The following OLFM2 variants were observed in gnomAD, a reference collection of about 807,000 sequenced individuals.
The protein encoded by OLFM2 is olfactomedin 2.
OLFM2 carries 20 observed loss-of-function variants against 43.9 expected under a neutral mutation model. That is an observed-to-expected ratio of 0.46 (90% CI 0.32 to 0.66). The LOEUF is 0.66. OLFM2 is among the 30% of genes least tolerant of loss of function. The pLI, the probability that OLFM2 is intolerant of heterozygous loss-of-function variation, is 0.04. For missense variants in OLFM2, 416 were observed against 643.6 expected, an observed-to-expected ratio of 0.65 and a Z score of 3.83; for synonymous variants, 268 against 278.6, an observed-to-expected ratio of 0.96 and a Z score of 0.38.
intron 1 of OLFM2, among the ~76,000 whole-genome samples, chr19:9,892,492 CT>C (rs2046647967): frequency 6.6e-6 from 1 of 152,160 alleles, no homozygotes; most frequent in South Asian, 2.1e-4. Context: ...GGGTGGATCA[CT>C]TGAGGCCAGG....
At chr19:9,885,066 C>T (rs191347179) in intron 1 of OLFM2, among the ~76,000 whole-genome samples, 116 of 152,260 alleles carry the variant, frequency 7.6e-4, no homozygotes, top group African/African-American at 2.6e-3. Context: ...CTGTGAAGCA[C>T]ATGGACCCTG....
chr19:9,870,444 A>G (rs1318329752), intron 1 of OLFM2, among the ~76,000 whole-genome samples: 2 of 152,180 alleles, frequency 1.3e-5, no homozygotes, highest in African/African-American at 4.8e-5. Flanking sequence ...CACGCGGCCC[A>G]GCTGGCTTCC....
chr19:9,918,296 T>G (rs948172197), intron 1 of OLFM2, among the ~76,000 whole-genome samples: 12 of 152,128 alleles, frequency 7.9e-5, no homozygotes, highest in Admixed American at 7.9e-4. Context: ...GCTCATGTGA[T>G]CCTCCTACCT....
At chr19:9,877,418 AG>A (rs2046499747) in intron 1 of OLFM2, among the ~76,000 whole-genome samples, 1 of 151,778 alleles carries the variant, frequency 6.6e-6, no homozygotes, top group Non-Finnish European at 1.5e-5. Context: ...CTGTAATCCC[AG>A]CTACTCTGTA....
intron 1 of OLFM2, among the ~76,000 whole-genome samples, chr19:9,878,560 T>C (rs2046512364): frequency 6.6e-6 from 1 of 151,882 alleles, no homozygotes; most frequent in South Asian, 2.1e-4. Context: ...CAGTTTCATT[T>C]CTCAAACAGG....
At chr19:9,919,176 C>CTCTTTTTTTTT (rs1555728853) in intron 1 of OLFM2, among the ~76,000 whole-genome samples, 7 of 149,262 alleles carry the variant, frequency 4.7e-5, no homozygotes, top group Admixed American at 2.0e-4. Context: ...ATTTCTCTCT[C>CTCTTTTTTTTT]TTTTTTTTGA....
At chr19:9,863,093 G>C (rs971393084) in intron 1 of OLFM2, among the ~76,000 whole-genome samples, 1 of 151,982 alleles carries the variant, frequency 6.6e-6, no homozygotes, top group African/African-American at 2.4e-5. Context: ...CTTTGTTCAA[G>C]ACCTGAAGGA....
rs1326687973 is a variant in OLFM2 at position 9,914,119 on chromosome 19, CCGCCTCCCGCA to C, written c.63+22174_63+22184del. On this transcript the variant is annotated intron_variant, in intron 1 of 5. Transcript: ENST00000264833. Reference sequence around the variant, plus strand: ...CCTCCCCCTAGGCGGTGTTCCCGGACCGCCTCCCGCACGCAGACCCTCTTCGAGCCTGAGCC... The same window carrying C: ...CCTCCCCCTAGGCGGTGTTCCCGGACCGCAGACCCTCTTCGAGCCTGAGCC... Among the ~76,000 whole-genome samples, 3 of 151,726 alleles carry C rather than the reference CCGCCTCCCGCA, an allele frequency of 2.0e-5. No individual in the cohort carries two copies. In the East Asian group the frequency reaches 5.8e-4, roughly 30 times the overall value.
intron 1 of OLFM2, among the ~76,000 whole-genome samples, chr19:9,919,969 ATT>A (rs572250241): frequency 2.8e-4 from 37 of 130,862 alleles, no homozygotes; most frequent in African/African-American, 4.4e-4. Flanking sequence ...TAATTTTTGT[ATT>A]TTTTTTTTTT....
intron 1 of OLFM2, chr19:9,913,581 T>G: frequency 7.7e-7 from 1 of 1,293,394 alleles, no homozygotes; most frequent in African/African-American, 1.6e-5. Flanking sequence ...GCCATGGTGC[T>G]CAGCACGGCC....
intron 1 of OLFM2, among the ~76,000 whole-genome samples, chr19:9,908,414 C>T (rs975990484): frequency 1.0e-4 from 15 of 150,568 alleles, no homozygotes; most frequent in Non-Finnish European, 1.9e-4. Context: ...TCTCCTGCCT[C>T]AGCCTCCTAA....
At chr19:9,926,425 G>A (rs1037260762) in intron 1 of OLFM2, among the ~76,000 whole-genome samples, 1 of 151,152 alleles carries the variant, frequency 6.6e-6, no homozygotes, top group Non-Finnish European at 1.5e-5. Flanking sequence ...GGTGGCGGCC[G>A]CCTGTAGTCC....
At chr19:9,877,042 C>T (rs766549627) in intron 1 of OLFM2, among the ~76,000 whole-genome samples, 2 of 151,436 alleles carry the variant, frequency 1.3e-5, no homozygotes, top group Non-Finnish European at 2.9e-5. Context: ...CCAGCCTGGC[C>T]AACATGGTGA....
At chr19:9,924,910 GTA>G (rs998278678) in intron 1 of OLFM2, among the ~76,000 whole-genome samples, 1 of 151,356 alleles carries the variant, frequency 6.6e-6, no homozygotes, top group South Asian at 2.1e-4. Context: ...ATATATGCGT[GTA>G]TATATATAGA....
intron 1 of OLFM2, among the ~76,000 whole-genome samples, chr19:9,869,702 G>A (rs898500068): frequency 2.0e-5 from 3 of 152,112 alleles, no homozygotes; most frequent in African/African-American, 7.2e-5. Context: ...CTTCAGCCTC[G>A]AACTCCTGAC....
intron 1 of OLFM2, among the ~76,000 whole-genome samples, chr19:9,925,821 T>C (rs908310604): frequency 6.6e-6 from 1 of 151,146 alleles, no homozygotes; most frequent in Non-Finnish European, 1.5e-5. Flanking sequence ...ATAGCAGTAT[T>C]ATTCAAAAAA....
At chr19:9,872,965 T>G (rs1442486853) in intron 1 of OLFM2, among the ~76,000 whole-genome samples, 1 of 152,190 alleles carries the variant, frequency 6.6e-6, no homozygotes, top group Non-Finnish European at 1.5e-5. Flanking sequence ...CTCGCTCTTC[T>G]TAGTTGCTTT....
At position 9,936,392 on chromosome 19, in the gene OLFM2, A is replaced by G; in HGVS notation, c.-26T>C. On this transcript the variant is annotated 5_prime_UTR_variant, in exon 1 of 6. Transcript: ENST00000264833. The stretch of plus-strand genomic sequence containing the variant: ...GACGCGCCCCTAGCCCGGCGTCCCG[A>G]CCCCCGCCCGCCCTAGCGGCGCCTC... The G allele has an allele frequency of 7.2e-7, 1 of 1,382,064 alleles. No individual in the cohort carries two copies. Among genetic ancestry groups the G allele is most frequent in the Non-Finnish European group, 9.4e-7 (1 of 1,067,616 alleles). 85.6% of individuals were successfully genotyped at this position (1,382,064 alleles called of 1,614,324 possible). A position where few individuals can be genotyped will look rare whatever the true frequency, so the allele number is the denominator to read the frequency against.
At chr19:9,897,323 G>A (rs1056298758) in intron 1 of OLFM2, among the ~76,000 whole-genome samples, 11 of 114,068 alleles carry the variant, frequency 9.6e-5, no homozygotes, top group African/African-American at 1.8e-4. Flanking sequence ...GTGAGACTTC[G>A]TCTCAAAAAA....
Sources: gnomAD v4.1 joint callset for allele counts (sites outside exome capture counted in the v4.1 genomes callset) on GRCh38, gnomAD v4.1.1 for gene constraint, MANE v1.5 for transcripts, NCBI Gene and HGNC (gene_info 2026-07-23, HGNC 2026-07-21) for gene names.